Variants in ZFP14 observed in about 807,000 individuals in gnomAD.
The protein encoded by ZFP14 is ZFP14 zinc finger protein.
A neutral mutation model predicts 54.5 loss-of-function variants in ZFP14; 22 were observed. The ratio of observed to expected loss-of-function variants is 0.40; its 90% CI spans 0.29 to 0.58. The LOEUF (loss-of-function observed/expected upper bound fraction) is 0.58, where lower values mean the gene tolerates loss of function less well. Ranked by LOEUF, ZFP14 falls within the 20% of genes least tolerant of loss-of-function variation. The pLI is 0.39. For synonymous variants in ZFP14, 159 were observed against 204.0 expected, an observed-to-expected ratio of 0.78 and a Z score of 1.88; for missense variants, 470 against 637.8, an observed-to-expected ratio of 0.74 and a Z score of 2.83.
Position 36,335,811 on chromosome 19 carries a change from C to T in ZFP14, c.*4413G>A, listed in dbSNP as rs2918367. ...GTGCAGTGGCGTGATCTTGGTTCAC[C>T]GCAACCTCTGCCTCCTGGGTTCAAG... On this transcript the variant is annotated 3_prime_UTR_variant, in exon 5 of 5. Coordinates refer to ENST00000270001, the MANE Select transcript of ZFP14 (RefSeq NM_020917.3). 50,988 of 151,794 alleles carry T rather than the reference C, an allele frequency of 0.34. 8,706 individuals carry two copies. Among genetic ancestry groups the T allele is most frequent in the Admixed American group, 0.41 (6,214 of 15,246 alleles). The allele number at this position is 151,794 out of a possible 1,614,324, so 9.4% of individuals were successfully genotyped here.
Position 36,360,509 on chromosome 19 carries a change from A to G in ZFP14, c.161T>C (p.Val54Ala). The change falls in exon 4 of 5, where the codon GTG becomes GCG. Residue 54 changes from valine (V) to alanine (A), a missense_variant. Coordinates refer to ENST00000270001, the MANE Select transcript of ZFP14 (RefSeq NM_020917.3). The stretch of plus-strand genomic sequence containing the variant: ...CCTTTCTTCATCCAATAAGGTAATC[A>G]CATCTGGTTTAGAAATGGAAGGTCC... ...SLGPSISKPD[V>A]ITLLDEERKE... is the part of the protein sequence containing the mutation. 6.2e-7 allele frequency: 1 copy of G among 1,613,456 alleles called. No individual in the cohort carries two copies. Among genetic ancestry groups the G allele is most frequent in the Non-Finnish European group, 8.5e-7 (1 of 1,179,678 alleles).
rs780769190 is a variant in ZFP14, at chr19:36,360,452, G to C, written c.218C>G (p.Thr73Arg). The change falls in exon 4 of 5, where the codon ACA becomes AGA. Residue 73 changes from threonine to arginine, a missense_variant. Coordinates refer to ENST00000270001, the MANE Select transcript of ZFP14 (RefSeq NM_020917.3). Reference protein sequence around the residue: ...KEPGMVVREGTRRYCPDLESR... With the variant: ...KEPGMVVREGRRRYCPDLESR... ...TCACTCACCAGGGCAGTATCTTCTT[G>C]TCCCTTCCCTCACAACCATCCCAGG... is the stretch of plus-strand genomic sequence containing the variant. 6 of 1,613,444 alleles carry C rather than the reference G, an allele frequency of 3.7e-6. No individual in the cohort carries two copies. In the Admixed American group the frequency reaches 6.7e-5, roughly 18 times the overall value.
intron 1 of ZFP14, among the ~76,000 whole-genome samples, chr19:36,372,617 C>A (rs77174823): frequency 6.6e-6 from 1 of 152,092 alleles, no homozygotes; most frequent in African/African-American, 2.4e-5. Context: ...TTTTGGGAAG[C>A]CAGTCATTAT....
intron 2 of ZFP14, among the ~76,000 whole-genome samples, chr19:36,366,791 A>G (rs1035628061): frequency 1.3e-5 from 2 of 152,162 alleles, no homozygotes; most frequent in African/African-American, 4.8e-5. Flanking sequence ...CCAGCCATAC[A>G]CTTATGGTTT....
At chr19:36,369,088 C>A (rs2031840607) in intron 1 of ZFP14, among the ~76,000 whole-genome samples, 1 of 152,124 alleles carries the variant, frequency 6.6e-6, no homozygotes, top group Non-Finnish European at 1.5e-5. Flanking sequence ...GTGATCCGCC[C>A]GCCTCGGCCT....
chr19:36,355,346 G>A (rs150520375), intron 4 of ZFP14, among the ~76,000 whole-genome samples: 1 of 142,066 alleles, frequency 7.0e-6, no homozygotes, highest in East Asian at 2.1e-4. Context: ...GAGGCCTAGA[G>A]GAGGGGTCCT....
chr19:36,367,354 C>T (rs955708756), intron 2 of ZFP14, among the ~76,000 whole-genome samples: 4 of 152,090 alleles, frequency 2.6e-5, no homozygotes, highest in African/African-American at 4.8e-5. Flanking sequence ...ATCTCATTTC[C>T]GCTTTCTCAC....
At position 36,374,826 on chromosome 19, in the gene ZFP14, G is replaced by C. The variant is rs74636051; in HGVS notation, c.-80+4337C>G. On this transcript the variant is annotated intron_variant, in intron 1 of 4. Transcript: ENST00000270001. ...CGCACCACCACATTAAACAGAGTGT[G>C]AGCCTGAAATACCCAAATACTTCAA... Among the ~76,000 whole-genome samples the C allele has an allele frequency of 4.5e-3, 685 of 152,302 alleles. 26 individuals carry two copies. Among genetic ancestry groups the C allele is most frequent in the Admixed American group, 0.038 (579 of 15,302 alleles).
At chr19:36,375,804 G>A (rs1048666676) in intron 1 of ZFP14, among the ~76,000 whole-genome samples, 2 of 151,910 alleles carry the variant, frequency 1.3e-5, no homozygotes, top group South Asian at 2.1e-4. Flanking sequence ...TGATCTGCCC[G>A]CCTCGGCCTC....
chr19:36,349,694 T>TAA (rs1568467447), intron 4 of ZFP14, among the ~76,000 whole-genome samples: 2 of 143,092 alleles, frequency 1.4e-5, no homozygotes, highest in Non-Finnish European at 1.5e-5. Context: ...TATATATATA[T>TAA]AATATATATA....
intron 2 of ZFP14, 152 bp downstream of exon 2, chr19:36,367,732 G>A: frequency 1.3e-6 from 1 of 789,130 alleles, no homozygotes. Flanking sequence ...CCAAAGTGCT[G>A]GGATTACAGG....
intron 4 of ZFP14, among the ~76,000 whole-genome samples, chr19:36,342,246 T>C: frequency 7.3e-6 from 1 of 137,370 alleles, no homozygotes; most frequent in Admixed American, 7.8e-5. Context: ...AGTGGCACAA[T>C]CTCGGCTCAC....
At position 36,349,872 on chromosome 19, in the gene ZFP14, CTGGGCGTGGTGG is replaced by C. The variant is rs1469716843; in HGVS notation, c.236-8294_236-8283del. Among the ~76,000 whole-genome samples the C allele has an allele frequency of 1.7e-3, 167 of 100,342 alleles. 4 individuals are homozygous for C. The highest frequency in any genetic ancestry group is 5.3e-3 in the Middle Eastern group (1 of 190). The allele number at this position is 100,342 out of a possible 152,430, so 65.8% of individuals were successfully genotyped here. ...GGAATAAAAAAGAACAATAGATAGG[CTGGGCGTGGTGG>C]CTCACACCTGTAATCCCAACACTTT... is the stretch of plus-strand genomic sequence containing the variant. On this transcript the variant is annotated intron_variant, in intron 4 of 4. Coordinates refer to ENST00000270001, the MANE Select transcript of ZFP14 (RefSeq NM_020917.3).
At position 36,346,286 on chromosome 19, in the gene ZFP14, C is replaced by CA. The variant is rs139635721; in HGVS notation, c.236-4697dup. Among the ~76,000 whole-genome samples the CA allele has an allele frequency of 2.3e-3, 343 of 151,728 alleles. 13 individuals carry two copies. In the East Asian group the frequency reaches 0.062, roughly 28 times the overall value. On this transcript the variant is annotated intron_variant, in intron 4 of 4. Coordinates refer to ENST00000270001, the MANE Select transcript of ZFP14 (RefSeq NM_020917.3). ...GAGCGACAACCTGTCTCAAAACAAA[C>CA]AAAAAACCCAGGTTGTTTGGAAAAC... is the stretch of plus-strand genomic sequence containing the variant.
At chr19:36,364,460 G>A (rs2031760144) in intron 2 of ZFP14, among the ~76,000 whole-genome samples, 1 of 152,148 alleles carries the variant, frequency 6.6e-6, no homozygotes, top group South Asian at 2.1e-4. Flanking sequence ...CCATTAGGTT[G>A]AGGACGACGA....
intron 4 of ZFP14, among the ~76,000 whole-genome samples, chr19:36,345,888 C>T (rs775635366): frequency 5.3e-5 from 8 of 152,018 alleles, no homozygotes; most frequent in African/African-American, 1.9e-4. Flanking sequence ...GTATCCCACA[C>T]AAAAGTTAGA....
intron 1 of ZFP14, among the ~76,000 whole-genome samples, chr19:36,370,185 G>T (rs2031858559): frequency 2.0e-5 from 3 of 152,194 alleles, no homozygotes. Flanking sequence ...AAGAAGCATT[G>T]AAGAGTGCAG....
At chr19:36,373,888 G>A (rs1221101365) in intron 1 of ZFP14, among the ~76,000 whole-genome samples, 2 of 130,978 alleles carry the variant, frequency 1.5e-5, no homozygotes, top group African/African-American at 5.8e-5. Context: ...CTCAAGCCTG[G>A]GCAACAGAGT....
In ZFP14 at chr19:36,352,826, A is replaced by AG. The variant is rs1156441886; in HGVS notation, c.235+7608dup. On this transcript the variant is annotated intron_variant, in intron 4 of 4. Coordinates refer to ENST00000270001, the MANE Select transcript of ZFP14 (RefSeq NM_020917.3). Reference sequence around the variant, plus strand: ...CGTGGTGGCAGGCGCCTGTAGTCCCAGCTACTTGGGAGGCTGAGGCAGAAG... The same window carrying AG: ...CGTGGTGGCAGGCGCCTGTAGTCCCAGGCTACTTGGGAGGCTGAGGCAGAAG... 5.6e-5 allele frequency among the ~76,000 whole-genome samples: 8 copies of AG among 141,756 alleles called. 2 individuals carry two copies. Among genetic ancestry groups the AG allele is most frequent in the African/African-American group, 1.0e-4 (4 of 38,506 alleles). The allele number at this position is 141,756 out of a possible 152,430, so 93.0% of individuals were successfully genotyped here.
Sources: allele counts gnomAD v4.1 joint callset (sites outside exome capture counted in the v4.1 genomes callset), GRCh38; gene constraint gnomAD v4.1.1; transcripts MANE v1.5; gene names NCBI Gene and HGNC (gene_info 2026-07-23, HGNC 2026-07-21).